Variants in KLHL5 observed in about 807,000 individuals in gnomAD.
KLHL5 encodes kelch-like protein 5.
A neutral mutation model predicts 77.7 loss-of-function variants in KLHL5; 48 were observed. That is an observed-to-expected ratio of 0.62 (90% CI 0.49 to 0.79). The LOEUF is 0.79. KLHL5 is among the 30% of genes least tolerant of loss of function. The pLI is 0.00. For synonymous variants in KLHL5, 260 were observed against 297.0 expected (o/e 0.88, Z 1.28); for missense variants, 723 against 859.7 (o/e 0.84, Z 1.99).
chr4:39,057,170 A>G (rs1452078911), intron 1 of KLHL5, among the ~76,000 whole-genome samples: 1 of 152,190 alleles, frequency 6.6e-6, no homozygotes, highest in Non-Finnish European at 1.5e-5. Flanking sequence ...CTTTCAAGTC[A>G]AGAGCTGTGC....
At chr4:39,071,894 A>T (rs1718510977) in intron 1 of KLHL5, among the ~76,000 whole-genome samples, 1 of 152,240 alleles carries the variant, frequency 6.6e-6, no homozygotes, top group Admixed American at 6.5e-5. Context: ...GAATGATCTT[A>T]TGTAATTTTC....
chr4:39,140,125 G>C, the KLHL5 span, among the ~76,000 whole-genome samples: 836 of 152,162 alleles, frequency 5.5e-3, 2 homozygotes, highest in Middle Eastern at 0.01. Context: ...TACTTGGGGG[G>C]GGCTGGGGCA....
intron 4 of KLHL5, among the ~76,000 whole-genome samples, chr4:39,085,207 A>T (rs1167904148): frequency 6.6e-6 from 1 of 152,204 alleles, no homozygotes; most frequent in Non-Finnish European, 1.5e-5. Flanking sequence ...CATCATTTAA[A>T]ATAGACTCAT....
At chr4:39,103,728 A>C (rs1002750787) in intron 7 of KLHL5, among the ~76,000 whole-genome samples, 1 of 152,186 alleles carries the variant, frequency 6.6e-6, no homozygotes, top group African/African-American at 2.4e-5. Flanking sequence ...TGGGAGGCCA[A>C]AGCAGGAGGA....
At chr4:39,113,268 G>GAT in intron 9 of KLHL5, 36 bp downstream of exon 9, 2 of 1,525,476 alleles carry the variant, frequency 1.3e-6, no homozygotes, top group Non-Finnish European at 1.8e-6. Context: ...GAACAAAAAA[G>GAT]ATATATATAA....
chr4:39,049,988 T>C (rs1716512745), intron 1 of KLHL5, among the ~76,000 whole-genome samples: 1 of 152,034 alleles, frequency 6.6e-6, no homozygotes, highest in Admixed American at 6.6e-5. Context: ...GGCAGGAGAA[T>C]CGCTTGAACC....
rs1179869675 is a variant in KLHL5 at position 39,063,018 on chromosome 4, T to C, written c.366T>C (p.Ser122=). ...DDGTSEEENE[S]DSSSCRTSNS... ...GCACTAGTGAAGAAGAAAATGAATC[T>C]GATTCCAGTTCATGCAGGTTGATTA... The change falls in exon 1 of 11, where the codon TCT becomes TCC. Residue 122 remains serine (S), a synonymous_variant. Coordinates refer to ENST00000504108, the MANE Select transcript of KLHL5 (RefSeq NM_015990.5). 3 of 1,612,188 alleles carry C rather than the reference T, an allele frequency of 1.9e-6. No homozygotes were observed. The Admixed American group carries it at 5.0e-5, about 27-fold the overall frequency.
At chr4:39,104,710 G>A (rs1721886642) in intron 7 of KLHL5, among the ~76,000 whole-genome samples, 1 of 151,756 alleles carries the variant, frequency 6.6e-6, no homozygotes, top group South Asian at 2.1e-4. Context: ...AAGCAGCAAT[G>A]TTCTTATTAA....
At chr4:39,090,624 T>G (rs1720443198) in intron 5 of KLHL5, among the ~76,000 whole-genome samples, 1 of 151,770 alleles carries the variant, frequency 6.6e-6, no homozygotes, top group African/African-American at 2.4e-5. Flanking sequence ...TAATTTTGTA[T>G]TTTTAGTAGA....
intron 8 of KLHL5, among the ~76,000 whole-genome samples, chr4:39,108,494 T>A: frequency 6.6e-6 from 1 of 152,082 alleles, no homozygotes; most frequent in Non-Finnish European, 1.5e-5. Flanking sequence ...ATGAAAAAAA[T>A]AGTGAAATTT....
At position 39,063,030 on chromosome 4, in the gene KLHL5, A is replaced by C; in HGVS notation, c.378A>C (p.Ser126=). 6.2e-7 allele frequency: 1 copy of C among 1,609,528 alleles called. No individual in the cohort carries two copies. The highest frequency in any genetic ancestry group is 8.5e-7 in the Non-Finnish European group (1 of 1,177,398). Residue 126 remains serine (S), a synonymous_variant, in exon 1 of 11, where the codon TCA becomes TCC. Coordinates refer to ENST00000504108, the MANE Select transcript of KLHL5 (RefSeq NM_015990.5). ...SEEENESDSS[S]CRTSNSSQTL... is the part of the protein sequence containing the mutation. ...AAGAAAATGAATCTGATTCCAGTTC[A>C]TGCAGGTTGATTATTTTCTTACTGT... is the stretch of plus-strand genomic sequence containing the variant.
At chr4:39,077,674 A>G (rs1167397353) in intron 2 of KLHL5, among the ~76,000 whole-genome samples, 2 of 146,824 alleles carry the variant, frequency 1.4e-5, no homozygotes, top group Non-Finnish European at 3.0e-5. Context: ...CAGTGTGGAT[A>G]TTCCTTAAAG....
At chr4:39,101,645 C>G (rs556566564) in intron 6 of KLHL5, among the ~76,000 whole-genome samples, 1 of 151,698 alleles carries the variant, frequency 6.6e-6, no homozygotes, top group African/African-American at 2.4e-5. Flanking sequence ...GCCAGGAGTT[C>G]GAGACCAGCC....
intron 2 of KLHL5, among the ~76,000 whole-genome samples, chr4:39,080,329 C>T (rs1719494086): frequency 6.6e-6 from 1 of 151,888 alleles, no homozygotes; most frequent in Non-Finnish European, 1.5e-5. Context: ...GAGTTCAAGA[C>T]CAACCTGGCC....
intron 8 of KLHL5, among the ~76,000 whole-genome samples, chr4:39,111,423 C>A (rs1722450055): frequency 6.6e-6 from 1 of 152,172 alleles, no homozygotes; most frequent in Non-Finnish European, 1.5e-5. Flanking sequence ...TTGTACTATG[C>A]CATTCTTTAC....
chr4:39,060,396 C>T (rs1224015537), upstream of KLHL5, among the ~76,000 whole-genome samples: 3 of 152,014 alleles, frequency 2.0e-5, no homozygotes, highest in African/African-American at 7.3e-5. Context: ...GGCCCCTGCA[C>T]ACTCAATGCC....
chr4:39,071,083 A>G (rs1298674949), intron 1 of KLHL5, among the ~76,000 whole-genome samples: 4 of 152,182 alleles, frequency 2.6e-5, no homozygotes, highest in Non-Finnish European at 5.9e-5. Flanking sequence ...TATATTATAT[A>G]GAAATTGTAC....
chr4:39,101,875 T>TACAC (rs1425232858), intron 6 of KLHL5, among the ~76,000 whole-genome samples: 111 of 128,906 alleles, frequency 8.6e-4, no homozygotes, highest in African/African-American at 3.4e-3. Context: ...TATATATATA[T>TACAC]ATACACACAC....
At chr4:39,137,644 T>A in the KLHL5 span, among the ~76,000 whole-genome samples, 1 of 151,816 alleles carries the variant, frequency 6.6e-6, no homozygotes, top group Admixed American at 6.6e-5. Flanking sequence ...AAACAAAGAA[T>A]AAAATATCTT....
Sources: allele counts gnomAD v4.1 joint callset (sites outside exome capture counted in the v4.1 genomes callset), GRCh38; gene constraint gnomAD v4.1.1; transcripts MANE v1.5; gene names NCBI Gene and HGNC (gene_info 2026-07-23, HGNC 2026-07-21).